ACACA: variants seen among roughly 807,000 people sequenced by gnomAD.
ACACA encodes the protein acetyl-CoA carboxylase 1.
ACACA carries 103 observed loss-of-function variants against 296.1 expected under a neutral mutation model. The ratio of observed to expected loss-of-function variants is 0.35; its 90% confidence interval spans 0.30 to 0.41. The LOEUF (loss-of-function observed/expected upper bound fraction) is 0.41, where lower values mean the gene tolerates loss of function less well. Ranked by LOEUF, ACACA falls within the 10% of genes least tolerant of loss-of-function variation. The pLI is 1.00. For synonymous variants in ACACA, 953 were observed against 1,038.6 expected (o/e 0.92, Z 1.58); for missense variants, 1,554 against 2,989.7 (o/e 0.52, Z 11.20).
intron 10 of ACACA, among the ~76,000 whole-genome samples, chr17:37,267,172 A>G (rs984240143): frequency 2.6e-5 from 4 of 152,188 alleles, no homozygotes; most frequent in African/African-American, 9.7e-5. Context: ...TTTGCTCATG[A>G]GTGTGTGGAT....
At chr17:37,364,602 AAAAGAAAAAG>A in intron 1 of ACACA, among the ~76,000 whole-genome samples, 1 of 116,738 alleles carries the variant, frequency 8.6e-6, no homozygotes, top group Admixed American at 9.1e-5. Context: ...AAAAAAAAAA[AAAAGAAAAAG>A]AAAAGAAAAT....
At position 37,166,211 on chromosome 17, in the gene ACACA, G is replaced by A. The variant is rs540086735; in HGVS notation, c.5080-4161C>T. The stretch of plus-strand genomic sequence containing the variant: ...TGCAGTGGCACAAATACAGCTCACT[G>A]AAGCCTTGGCCTCCTGGGCTTAAGT... On this transcript the variant is annotated intron_variant, in intron 41 of 55. Coordinates refer to ENST00000616317, the MANE Select transcript of ACACA (RefSeq NM_198834.3). Among the ~76,000 whole-genome samples, 3 of 151,996 alleles carry A rather than the reference G, an allele frequency of 2.0e-5. No homozygotes were observed. The South Asian group carries it at 6.2e-4, about 32-fold the overall frequency.
rs772057871 is a variant in ACACA at position 37,253,081 on chromosome 17, T to C, written c.1827-45A>G. 6 of 1,613,846 alleles carry C rather than the reference T, an allele frequency of 3.7e-6. No homozygotes were observed. In the African/African-American group the frequency reaches 8.0e-5, roughly 22 times the overall value. ...TCTGTTTCAGCAACAAACACTTTAA[T>C]GTTTTTCAATAATTTTAAAGATCTG... is the stretch of plus-strand genomic sequence containing the variant. On this transcript the variant is annotated intron_variant, in intron 14 of 55. Transcript: ENST00000616317.
At chr17:37,156,655 A>G (rs1191888352) in intron 42 of ACACA, among the ~76,000 whole-genome samples, 1 of 152,230 alleles carries the variant, frequency 6.6e-6, no homozygotes, top group African/African-American at 2.4e-5. Flanking sequence ...AATTATACTA[A>G]CATTTCATAA....
intron 3 of ACACA, chr17:37,328,737 AG>A (rs1175598492): frequency 2.5e-6 from 1 of 396,232 alleles, no homozygotes; most frequent in Non-Finnish European, 4.4e-6. Context: ...TTAATAATAA[AG>A]GTGCCAAGAT....
chr17:37,228,960 G>A (rs923992172), intron 25 of ACACA, among the ~76,000 whole-genome samples: 1 of 152,036 alleles, frequency 6.6e-6, no homozygotes, highest in African/African-American at 2.4e-5. Flanking sequence ...TGGAGAACAC[G>A]GTTGAAACCC....
chr17:37,390,175 T>TATATATATATACACACAC (rs60788220), intron 1 of ACACA, among the ~76,000 whole-genome samples: 18 of 44,502 alleles, frequency 4.0e-4, no homozygotes, highest in African/African-American at 7.0e-4. Flanking sequence ...TATATATATA[T>TATATATATATACACACAC]ACACACACAC....
Position 37,348,246 on chromosome 17 carries a change from C to G in ACACA, c.39-8396G>C, listed in dbSNP as rs927339398. ...AAGGTCCATATCTAAGTAACAGAAGCTCCCAAAAGCAAGAACAAAACAAAG... is the reference window on the plus strand; with the variant it reads ...AAGGTCCATATCTAAGTAACAGAAGGTCCCAAAAGCAAGAACAAAACAAAG... On this transcript the variant is annotated intron_variant, in intron 1 of 55. Coordinates refer to ENST00000616317, the MANE Select transcript of ACACA (RefSeq NM_198834.3). Among the ~76,000 whole-genome samples the G allele has an allele frequency of 9.9e-5, 15 of 151,984 alleles. No individual in the cohort carries two copies. In the South Asian group the frequency reaches 1.0e-3, roughly 11 times the overall value.
At chr17:37,131,840 A>G (rs891736889) in intron 45 of ACACA, among the ~76,000 whole-genome samples, 1 of 152,260 alleles carries the variant, frequency 6.6e-6, no homozygotes, top group Non-Finnish European at 1.5e-5. Context: ...TTCCTTGATA[A>G]GGAAGCGCAG....
intron 3 of ACACA, among the ~76,000 whole-genome samples, chr17:37,302,080 C>T (rs1598437004): frequency 6.6e-6 from 1 of 151,920 alleles, no homozygotes; most frequent in African/African-American, 2.4e-5. Context: ...TGGGTTCAAG[C>T]GATTCTCCTG....
At position 37,087,261 on chromosome 17, in the gene ACACA, G is replaced by T; in HGVS notation, c.*55C>A. On this transcript the variant is annotated 3_prime_UTR_variant, in exon 56 of 56. Transcript: ENST00000616317. ...CATTACAGTGGTTACAGTTGTAAAAGGCAGCTCTAGCCCTTTTCTCCAGAG... is the reference window on the plus strand; with the variant it reads ...CATTACAGTGGTTACAGTTGTAAAATGCAGCTCTAGCCCTTTTCTCCAGAG... The T allele has an allele frequency of 6.2e-7, 1 of 1,612,468 alleles. No individual in the cohort carries two copies. The highest frequency in any genetic ancestry group is 1.1e-5 in the South Asian group (1 of 91,010).
chr17:37,337,516 C>G (rs771170155), intron 2 of ACACA, among the ~76,000 whole-genome samples: 1 of 151,900 alleles, frequency 6.6e-6, no homozygotes, highest in Non-Finnish European at 1.5e-5. Context: ...TGCAGTGGCA[C>G]GATCCTCGTT....
intron 1 of ACACA, among the ~76,000 whole-genome samples, chr17:37,400,951 T>C (rs751586033): frequency 6.6e-6 from 1 of 152,140 alleles, no homozygotes; most frequent in Non-Finnish European, 1.5e-5. Flanking sequence ...CATTCAAAAA[T>C]TTTTAAGGAA....
At chr17:37,255,030 G>A (rs1238522330) in intron 14 of ACACA, among the ~76,000 whole-genome samples, 10 of 152,018 alleles carry the variant, frequency 6.6e-5, no homozygotes, top group East Asian at 5.8e-4. Context: ...GAACCCAGGA[G>A]GAAGAGGTTG....
At chr17:37,393,447 C>T (rs1597795198) in intron 1 of ACACA, among the ~76,000 whole-genome samples, 1 of 152,124 alleles carries the variant, frequency 6.6e-6, no homozygotes, top group African/African-American at 2.4e-5. Flanking sequence ...CCTCACCCTT[C>T]CCAGCCTCAC....
chr17:37,266,360 G>C (rs2081772597), intron 10 of ACACA, among the ~76,000 whole-genome samples: 1 of 151,316 alleles, frequency 6.6e-6, no homozygotes, highest in African/African-American at 2.4e-5. Flanking sequence ...GTTGCAGTGA[G>C]CCGAGATCGC....
intron 22 of ACACA, among the ~76,000 whole-genome samples, chr17:37,242,766 C>T (rs2542651): frequency 0.25 from 37,241 of 151,206 alleles, 5,066 homozygotes; most frequent in Admixed American, 0.36. Flanking sequence ...CAGCTGGGCA[C>T]GGTGGCTCAC....
intron 3 of ACACA, among the ~76,000 whole-genome samples, chr17:37,302,471 A>C (rs1182119296): frequency 6.6e-6 from 1 of 151,652 alleles, no homozygotes; most frequent in Non-Finnish European, 1.5e-5. Context: ...CAGCCTCCCA[A>C]AGTGCTGGGA....
At position 37,283,383 on chromosome 17, in the gene ACACA, A is replaced by G. The variant is rs1295918798; in HGVS notation, c.494T>C (p.Ile165Thr). 6.2e-7 allele frequency: 1 copy of G among 1,614,054 alleles called. No individual in the cohort carries two copies. Among genetic ancestry groups the G allele is most frequent in the Non-Finnish European group, 8.5e-7 (1 of 1,180,008 alleles). ...IEKVLIANNGIAAVKCMRSIR... is the reference protein window; with the variant it reads ...IEKVLIANNGTAAVKCMRSIR... Reference sequence around the variant, plus strand: ...AGACCGCATGCATTTCACTGCTGCAATGCCATTGTTAGCAATAAGAACCTG... The same window carrying G: ...AGACCGCATGCATTTCACTGCTGCAGTGCCATTGTTAGCAATAAGAACCTG... The change falls in exon 5 of 56, where the codon ATT becomes ACT. Residue 165 changes from isoleucine to threonine, a missense_variant. Ile to Thr is a moderately conservative substitution (Grantham distance 89, BLOSUM62 -1). Transcript: ENST00000616317.
Sources: gnomAD v4.1 joint callset for allele counts (sites outside exome capture counted in the v4.1 genomes callset) on GRCh38, gnomAD v4.1.1 for gene constraint, MANE v1.5 for transcripts, NCBI Gene and HGNC (gene_info 2026-07-23, HGNC 2026-07-21) for gene names.